DPP6: variants seen among roughly 807,000 people sequenced by gnomAD.
DPP6 encodes A-type potassium channel modulatory protein DPP6.
DPP6 carries 69 observed loss-of-function variants against 122.6 expected under a neutral mutation model. The ratio of observed to expected loss-of-function variants is 0.56; its 90% CI spans 0.46 to 0.69. The LOEUF (loss-of-function observed/expected upper bound fraction) is 0.69. Ranked by LOEUF, DPP6 falls within the 30% of genes least tolerant of loss-of-function variation. DPP6 has a pLI of 0.00. For missense variants in DPP6, 928 were observed against 1,116.9 expected, an observed-to-expected ratio of 0.83 and a Z score of 2.41; for synonymous variants, 418 against 433.1, an observed-to-expected ratio of 0.97 and a Z score of 0.43.
intron 1 of DPP6, among the ~76,000 whole-genome samples, chr7:154,072,159 G>T (rs535975957): frequency 5.3e-5 from 8 of 152,362 alleles, no homozygotes; most frequent in Non-Finnish European, 8.8e-5. Flanking sequence ...TCAATAGAAG[G>T]AAATTATTAC....
chr7:154,118,144 A>G (rs1416060506), intron 1 of DPP6, among the ~76,000 whole-genome samples: 1 of 150,568 alleles, frequency 6.6e-6, no homozygotes, highest in Admixed American at 6.6e-5. Context: ...TAGTGGGCCT[A>G]GTGTTACCAG....
chr7:154,613,145 C>T (rs1027024581), intron 5 of DPP6, among the ~76,000 whole-genome samples: 7 of 152,206 alleles, frequency 4.6e-5, no homozygotes, highest in African/African-American at 1.7e-4. Context: ...CTCCTGAAGT[C>T]CACAGCTCCT....
intron 1 of DPP6, among the ~76,000 whole-genome samples, chr7:153,937,437 CTTTTTTTTTTTTTTTT>C (rs201001951): frequency 0.6 from 70,532 of 117,108 alleles, 19,235 homozygotes; most frequent in East Asian, 0.85. Context: ...TCAGAGCTAA[CTTTTTTTTTTTTTTTT>C]TTTTTTTTTT....
At chr7:154,591,687 G>A (rs1353666944) in intron 5 of DPP6, among the ~76,000 whole-genome samples, 2 of 152,184 alleles carry the variant, frequency 1.3e-5, no homozygotes, top group Non-Finnish European at 2.9e-5. Context: ...CATTTCCACT[G>A]TCTAAATATA....
At chr7:153,835,398 A>G in the DPP6 span, among the ~76,000 whole-genome samples, 2 of 140,586 alleles carry the variant, frequency 1.4e-5, no homozygotes, top group African/African-American at 2.8e-5. Context: ...GACTGTGTGG[A>G]AAAAAAAAAA....
chr7:154,517,549 C>T (rs1023530696), intron 3 of DPP6, among the ~76,000 whole-genome samples: 9 of 152,082 alleles, frequency 5.9e-5, no homozygotes, highest in Non-Finnish European at 1.2e-4. Flanking sequence ...AGTATTCACA[C>T]GCAGTTGTTT....
intron 16 of DPP6, among the ~76,000 whole-genome samples, chr7:154,822,676 CCAA>C (rs1799875488): frequency 6.6e-6 from 1 of 152,164 alleles, no homozygotes; most frequent in Admixed American, 6.6e-5. Context: ...CCCCCCGCCC[CCAA>C]CGACTTCATC....
chr7:153,971,979 C>G (rs1350409479), intron 1 of DPP6, among the ~76,000 whole-genome samples: 1 of 148,542 alleles, frequency 6.7e-6, no homozygotes, highest in Non-Finnish European at 1.5e-5. Context: ...TGTTTCCTGT[C>G]TATTACAGAT....
intron 1 of DPP6, among the ~76,000 whole-genome samples, chr7:154,093,163 CCACA>C (rs113157285): frequency 2.7e-5 from 4 of 150,624 alleles, no homozygotes; most frequent in African/African-American, 9.8e-5. Context: ...ATCATACACA[CCACA>C]CACACACCAA....
chr7:154,492,445 G>A (rs573901299), intron 3 of DPP6, among the ~76,000 whole-genome samples: 7 of 152,288 alleles, frequency 4.6e-5, no homozygotes, highest in South Asian at 2.1e-4. Context: ...AAAAAAGGAC[G>A]TCTGTGGCCA....
rs1304211919 is a variant in DPP6 at position 154,036,014 on chromosome 7, G to GCACT, written c.51+148281_51+148282insACTC. Among the ~76,000 whole-genome samples, 8 of 128,908 alleles carry GCACT rather than the reference G, an allele frequency of 6.2e-5. No individual in the cohort carries two copies. The East Asian group carries it at 7.5e-4, about 12-fold the overall frequency. The allele number at this position is 128,908 out of a possible 152,430, so 84.6% of individuals were successfully genotyped here. A position where few individuals can be genotyped will look rare whatever the true frequency, so the allele number is the denominator to read the frequency against. ...ATGATGAATGGCCAGGATTACGCGCGCGCGCTTGTGTGTGTGTGTGTGTGT... is the reference window on the plus strand; with the variant it reads ...ATGATGAATGGCCAGGATTACGCGCGCACTCGCGCTTGTGTGTGTGTGTGTGTGT... On this transcript the variant is annotated intron_variant, in intron 1 of 25. Transcript: ENST00000404039.
At chr7:153,758,952 A>C in the DPP6 span, among the ~76,000 whole-genome samples, 1 of 152,206 alleles carries the variant, frequency 6.6e-6, no homozygotes, top group Non-Finnish European at 1.5e-5. Context: ...AGAAACTGTT[A>C]AATTATTTTC....
At chr7:154,009,490 C>A (rs536777983) in intron 1 of DPP6, among the ~76,000 whole-genome samples, 1 of 150,164 alleles carries the variant, frequency 6.7e-6, no homozygotes, top group Non-Finnish European at 1.5e-5. Flanking sequence ...GATGCTTCAC[C>A]CTGGCTCCAT....
At chr7:154,199,312 C>A (rs1397859474) in intron 1 of DPP6, among the ~76,000 whole-genome samples, 1 of 152,188 alleles carries the variant, frequency 6.6e-6, no homozygotes, top group South Asian at 2.1e-4. Flanking sequence ...TCAGTAGGCG[C>A]TGCTCCTAAA....
At chr7:154,372,613 G>C (rs191062580) in intron 1 of DPP6, among the ~76,000 whole-genome samples, 34 of 152,280 alleles carry the variant, frequency 2.2e-4, no homozygotes, top group Admixed American at 2.2e-3. Flanking sequence ...TGCTTCCTGG[G>C]GAATAAAAAG....
intron 1 of DPP6, among the ~76,000 whole-genome samples, chr7:154,262,955 T>G (rs1803134859): frequency 6.6e-6 from 1 of 152,218 alleles, no homozygotes; most frequent in South Asian, 2.1e-4. Context: ...TGGGGAAACT[T>G]TCTCCTTAGT....
At chr7:154,183,043 C>A (rs960130517) in intron 1 of DPP6, among the ~76,000 whole-genome samples, 2 of 152,124 alleles carry the variant, frequency 1.3e-5, no homozygotes, top group African/African-American at 4.8e-5. Flanking sequence ...GGGCTAATGT[C>A]ACCCATTTCA....
chr7:154,415,180 C>G (rs1474894179), intron 1 of DPP6, among the ~76,000 whole-genome samples: 1 of 152,124 alleles, frequency 6.6e-6, no homozygotes, highest in Non-Finnish European at 1.5e-5. Context: ...CACATACTAT[C>G]TAGACCAAGC....
Position 154,740,798 on chromosome 7 carries a change from C to A in DPP6, c.883+12911C>A, listed in dbSNP as rs543308682. ...CCCTTCCTCTCCCCTTTCGTCACCC[C>A]CACACACAGGACATTTGCGTACTGG... is the stretch of plus-strand genomic sequence containing the variant. On this transcript the variant is annotated intron_variant, in intron 8 of 25. Transcript: ENST00000377770. 3.9e-5 allele frequency among the ~76,000 whole-genome samples: 6 copies of A among 152,220 alleles called. No homozygotes were observed. The South Asian group carries it at 8.3e-4, about 21-fold the overall frequency.
Sources: allele counts gnomAD v4.1 joint callset (sites outside exome capture counted in the v4.1 genomes callset), GRCh38; gene constraint gnomAD v4.1.1; transcripts MANE v1.5; gene names NCBI Gene and HGNC (gene_info 2026-07-23, HGNC 2026-07-21).